The following TLK1 variants were observed in gnomAD, a reference collection of about 807,000 sequenced individuals.
TLK1 encodes the protein tousled like kinase 1.
A neutral mutation model predicts 105.3 loss-of-function variants in TLK1; 24 were observed. That is an observed-to-expected ratio of 0.23 (90% confidence interval 0.17 to 0.32). The LOEUF (loss-of-function observed/expected upper bound fraction) is 0.32. Among genes scored for constraint, TLK1 ranks in the 10% least tolerant of loss-of-function variants. The pLI is 1.00. For missense variants in TLK1, 558 were observed against 910.5 expected (o/e 0.61, Z 4.98); for synonymous variants, 321 against 310.4 (o/e 1.03, Z -0.36).
At position 171,160,495 on chromosome 2, in the gene TLK1, G is replaced by A. The variant is rs937879960; in HGVS notation, c.-67C>T. ...AGCGGCGGCAACGGCACCGGCACCC[G>A]CCTCCGTCATGGCGGGGGCCGCGCT... On this transcript the variant is annotated 5_prime_UTR_variant, in exon 1 of 21. Coordinates refer to ENST00000431350, the MANE Select transcript of TLK1 (RefSeq NM_012290.5). The surrounding 1 kb of genome is among the most constrained non-coding windows in gnomAD (Gnocchi z 4.4). 9.6e-6 allele frequency: 15 copies of A among 1,569,874 alleles called. No homozygotes were observed. The highest frequency in any genetic ancestry group is 1.2e-5 in the South Asian group (1 of 86,626).
In TLK1 at chr2:171,191,403, C is replaced by G. The variant is rs1356171424; in HGVS notation, c.-6+39742G>C. On this transcript the variant is annotated intron_variant, in intron 1 of 20. Coordinates refer to the TLK1 transcript ENST00000521943. Reference sequence around the variant, plus strand: ...GGGCAACATGGTGAGACCCACCACCCCCCCCTCTAAAAAAATGAAAATAAA... The same window carrying G: ...GGGCAACATGGTGAGACCCACCACCGCCCCCTCTAAAAAAATGAAAATAAA... Among the ~76,000 whole-genome samples the G allele has an allele frequency of 4.6e-5, 7 of 152,040 alleles. No homozygotes were observed. In the East Asian group the frequency reaches 7.8e-4, roughly 17 times the overall value.
intron 2 of TLK1, among the ~76,000 whole-genome samples, chr2:171,103,184 G>A (rs1030125578): frequency 1.3e-5 from 2 of 151,770 alleles, no homozygotes; most frequent in African/African-American, 2.4e-5. Flanking sequence ...GTGGGGCACA[G>A]TGAAGACACT....
intron 1 of TLK1, among the ~76,000 whole-genome samples, chr2:171,185,014 A>AT (rs1306931148): frequency 6.6e-6 from 1 of 151,724 alleles, no homozygotes; most frequent in Admixed American, 6.6e-5. Context: ...AATTTTTTGC[A>AT]TTTTTTAGTA....
chr2:171,000,955 G>A (rs567500541), intron 18 of TLK1, among the ~76,000 whole-genome samples: 33 of 152,264 alleles, frequency 2.2e-4, no homozygotes, highest in Admixed American at 1.6e-3. Context: ...TTCCTCTGGA[G>A]GGGTGTCTTT....
intron 1 of TLK1, among the ~76,000 whole-genome samples, chr2:171,202,309 G>A (rs555917084): frequency 8.6e-4 from 131 of 152,088 alleles, no homozygotes; most frequent in Non-Finnish European, 1.1e-3. Context: ...AAAATTAGCC[G>A]GACGTGGTGG....
chr2:171,049,610 A>G (rs1244940318), intron 10 of TLK1, among the ~76,000 whole-genome samples: 1 of 152,208 alleles, frequency 6.6e-6, no homozygotes, highest in Non-Finnish European at 1.5e-5. Context: ...AATATATTAC[A>G]TTCTATAGAT....
At chr2:171,131,801 G>C (rs1013714874) in intron 1 of TLK1, among the ~76,000 whole-genome samples, 1 of 151,624 alleles carries the variant, frequency 6.6e-6, no homozygotes, top group Admixed American at 6.6e-5. Context: ...GTCAACAATG[G>C]CTTATTTTCT....
chr2:171,005,703 G>A (rs1684621344), intron 18 of TLK1, among the ~76,000 whole-genome samples: 2 of 152,288 alleles, frequency 1.3e-5, no homozygotes, highest in Admixed American at 1.3e-4. Context: ...ACTGCACAGG[G>A]CAAGACCCTG....
chr2:171,052,237 C>T (rs935875761), intron 8 of TLK1, among the ~76,000 whole-genome samples: 12 of 152,104 alleles, frequency 7.9e-5, no homozygotes, highest in African/African-American at 2.4e-4. Context: ...CTAGCCTGGG[C>T]GACACAGTGA....
At chr2:171,151,628 C>G (rs928141695) in intron 1 of TLK1, among the ~76,000 whole-genome samples, 1 of 151,914 alleles carries the variant, frequency 6.6e-6, no homozygotes, top group Non-Finnish European at 1.5e-5. Context: ...GCGCCCACCA[C>G]CACGCCCAGC....
chr2:171,049,328 CG>C (rs143505081), intron 10 of TLK1, among the ~76,000 whole-genome samples: 2,417 of 152,142 alleles, frequency 0.016, 63 homozygotes, highest in African/African-American at 0.052. Flanking sequence ...ACCTCAGAAA[CG>C]CTAAAGCCAC....
At chr2:171,032,913 A>G (rs1287485240) in intron 11 of TLK1, among the ~76,000 whole-genome samples, 1 of 152,214 alleles carries the variant, frequency 6.6e-6, no homozygotes, top group Non-Finnish European at 1.5e-5. Flanking sequence ...AACTATTAGA[A>G]GACAATACAG....
At chr2:171,117,254 A>G (rs193189861) in intron 2 of TLK1, among the ~76,000 whole-genome samples, 29 of 152,270 alleles carry the variant, frequency 1.9e-4, no homozygotes, top group African/African-American at 7.0e-4. Flanking sequence ...TCCTATGAGA[A>G]TCTAACGCTG....
In TLK1 at chr2:171,056,507, A is replaced by G. The variant is rs1687507844; in HGVS notation, c.513T>C (p.Pro171=). 6.2e-7 allele frequency: 1 copy of G among 1,612,080 alleles called. No homozygotes were observed. Among genetic ancestry groups the G allele is most frequent in the Non-Finnish European group, 8.5e-7 (1 of 1,179,012 alleles). The stretch of plus-strand genomic sequence containing the variant: ...GAGTGGAATGTGAATGTGAATTTTG[A>G]GGAGAACGGATTGCAGGAGGTATGC... The part of the protein sequence containing the change: ...VRGIPPAIRS[P]QNSHSHSTPS... Residue 171 remains proline (P), a synonymous_variant, in exon 6 of 21, where the codon CCT becomes CCC. Coordinates refer to ENST00000431350, the MANE Select transcript of TLK1 (RefSeq NM_012290.5).
chr2:171,094,412 T>C (rs1250083316), intron 2 of TLK1, among the ~76,000 whole-genome samples: 1 of 151,852 alleles, frequency 6.6e-6, no homozygotes, highest in Non-Finnish European at 1.5e-5. Context: ...AAAAATCAAA[T>C]ATTAAAAAGA....
intron 2 of TLK1, among the ~76,000 whole-genome samples, chr2:171,116,296 C>T (rs1049307135): frequency 3.3e-5 from 5 of 152,124 alleles, no homozygotes; most frequent in African/African-American, 9.7e-5. Context: ...GTAGAATATA[C>T]ATGAAACATG....
intron 20 of TLK1, among the ~76,000 whole-genome samples, chr2:170,995,389 C>T (rs1684006799): frequency 6.6e-6 from 1 of 151,304 alleles, no homozygotes; most frequent in African/African-American, 2.4e-5. Context: ...ATATTATATC[C>T]CCCCAACAAC....
chr2:171,215,757 T>C (rs1372160820), intron 1 of TLK1, among the ~76,000 whole-genome samples: 1 of 152,196 alleles, frequency 6.6e-6, no homozygotes, highest in Non-Finnish European at 1.5e-5. Context: ...GGCAATTTAG[T>C]AGCATAGGCA....
intron 1 of TLK1, among the ~76,000 whole-genome samples, chr2:171,118,561 C>T (rs1690528175): frequency 6.6e-6 from 1 of 152,048 alleles, no homozygotes; most frequent in Non-Finnish European, 1.5e-5. Flanking sequence ...TATTAAACCA[C>T]CTTGAAAATT....
Sources: gnomAD v4.1 joint callset for allele counts (sites outside exome capture counted in the v4.1 genomes callset) on GRCh38, gnomAD v4.1.1 for gene constraint, Gnocchi (gnomAD v3.1) non-coding constraint, MANE v1.5 for transcripts, NCBI Gene and HGNC (gene_info 2026-07-23, HGNC 2026-07-21) for gene names.